INSYN2A: variants seen among roughly 807,000 people sequenced by gnomAD.
INSYN2A encodes the protein inhibitory synaptic factor 2A.
A neutral mutation model predicts 39.4 loss-of-function variants in INSYN2A; 17 were observed. The ratio of observed to expected loss-of-function variants is 0.43; its 90% CI spans 0.30 to 0.65. The LOEUF (loss-of-function observed/expected upper bound fraction) is 0.65. Ranked by LOEUF, INSYN2A falls within the 30% of genes least tolerant of loss-of-function variation. The probability of loss-of-function intolerance (pLI) is 0.14; values close to 1 mark genes in which losing one functional copy is unlikely to be tolerated. For missense variants in INSYN2A, 595 were observed against 631.2 expected (o/e 0.94, Z 0.61); for synonymous variants, 255 against 265.7 (o/e 0.96, Z 0.39).
chr10:127,173,742 C>G (rs60003941), intron 4 of INSYN2A, among the ~76,000 whole-genome samples: 2 of 152,166 alleles, frequency 1.3e-5, no homozygotes, highest in Non-Finnish European at 2.9e-5. Flanking sequence ...TGGTCTCCCC[C>G]ACCCCACGCC....
chr10:127,189,732 A>T (rs1017723661), intron 2 of INSYN2A, among the ~76,000 whole-genome samples: 13 of 152,240 alleles, frequency 8.5e-5, no homozygotes, highest in African/African-American at 3.1e-4. Context: ...TTAAGTTCAC[A>T]CAGTACGTTT....
chr10:127,188,608 A>T (rs900886790), intron 2 of INSYN2A, among the ~76,000 whole-genome samples: 11 of 152,104 alleles, frequency 7.2e-5, no homozygotes, highest in African/African-American at 2.4e-4. Flanking sequence ...TAACGTGGTT[A>T]ATTTCTGGCC....
chr10:127,183,358 G>C (rs758520848), intron 2 of INSYN2A, among the ~76,000 whole-genome samples: 4 of 152,150 alleles, frequency 2.6e-5, no homozygotes, highest in Non-Finnish European at 5.9e-5. Flanking sequence ...TCGACCATCA[G>C]AATGGATCCC....
intron 4 of INSYN2A, among the ~76,000 whole-genome samples, chr10:127,163,240 G>A (rs2053748635): frequency 6.6e-6 from 1 of 152,120 alleles, no homozygotes; most frequent in African/African-American, 2.4e-5. Flanking sequence ...TGCAGATCGG[G>A]GCTTGAGGTG....
At chr10:127,156,704 G>A (rs1592274731) in intron 4 of INSYN2A, among the ~76,000 whole-genome samples, 1 of 151,548 alleles carries the variant, frequency 6.6e-6, no homozygotes, top group Non-Finnish European at 1.5e-5. Flanking sequence ...GAGTAGCTGG[G>A]ATTACAGGCA....
intron 5 of INSYN2A, among the ~76,000 whole-genome samples, chr10:127,153,018 A>C (rs1294336818): frequency 6.6e-6 from 1 of 152,228 alleles, no homozygotes; most frequent in Non-Finnish European, 1.5e-5. Flanking sequence ...CTTAATGCAG[A>C]GGACAGTAAC....
At chr10:127,162,766 T>C (rs982426271) in intron 4 of INSYN2A, among the ~76,000 whole-genome samples, 23 of 152,202 alleles carry the variant, frequency 1.5e-4, no homozygotes, top group Non-Finnish European at 2.9e-4. Flanking sequence ...CGAGCCGGCC[T>C]CCCCAGGCCT....
chr10:127,152,473 C>T (rs2052598861), intron 5 of INSYN2A, among the ~76,000 whole-genome samples: 1 of 152,224 alleles, frequency 6.6e-6, no homozygotes, highest in Non-Finnish European at 1.5e-5. Flanking sequence ...GCAGGGGCCC[C>T]TCCTCCCTTC....
rs747882538 is a variant in INSYN2A at position 127,175,529 on chromosome 10, C to G, written c.867G>C (p.Arg289Ser). ...WSLCPADDER[R>S]RATHLNGLQA... ...GGAGCCCGTTGAGATGTGTGGCTCTCCTCCGCTCGTCATCTGCCGGGCAGA... is the reference window on the plus strand; with the variant it reads ...GGAGCCCGTTGAGATGTGTGGCTCTGCTCCGCTCGTCATCTGCCGGGCAGA... The change falls in exon 4 of 6, where the codon AGG becomes AGC. Residue 289 changes from arginine (R) to serine (S), a missense_variant. Arg to Ser is a moderately radical substitution (Grantham distance 110, BLOSUM62 -1). Around this residue, in one of 2 missense-constraint regions of INSYN2A, gnomAD observed 478 missense variants for 467.4 expected, o/e 1.02. Coordinates refer to ENST00000522781, the MANE Select transcript of INSYN2A (RefSeq NM_001039762.3). The surrounding 1 kb of genome is among the most constrained non-coding windows in gnomAD (Gnocchi z 6.3). The G allele has an allele frequency of 3.1e-6, 5 of 1,610,028 alleles. No homozygotes were observed. The highest frequency in any genetic ancestry group is 2.2e-5 in the East Asian group (1 of 44,866).
At chr10:127,179,975 G>A (rs538166911) in intron 2 of INSYN2A, among the ~76,000 whole-genome samples, 20 of 152,284 alleles carry the variant, frequency 1.3e-4, no homozygotes, top group South Asian at 2.1e-4. Flanking sequence ...TTGAGAAACC[G>A]AGGCACACGA....
chr10:127,181,898 G>C (rs571698230), intron 2 of INSYN2A, among the ~76,000 whole-genome samples: 5 of 152,318 alleles, frequency 3.3e-5, no homozygotes, highest in Admixed American at 3.3e-4. Context: ...AGCTGCCATA[G>C]ATGGTGGACT....
chr10:127,139,185 C>T (rs1053118129), intron 5 of INSYN2A, among the ~76,000 whole-genome samples: 8 of 152,110 alleles, frequency 5.3e-5, no homozygotes, highest in Admixed American at 4.6e-4. Context: ...CCAGTGGAAC[C>T]GTAAACCATT....
At chr10:127,183,158 T>TC (rs2055899876) in intron 2 of INSYN2A, among the ~76,000 whole-genome samples, 2 of 145,702 alleles carry the variant, frequency 1.4e-5, no homozygotes, top group African/African-American at 5.0e-5. Flanking sequence ...ATTGATTTTT[T>TC]CCCCCCTAAA....
chr10:127,158,764 G>A lies in INSYN2A; in HGVS notation c.1185-4841C>T, dbSNP rs573048294. Reference sequence around the variant, plus strand: ...GATAAGCATGTTCATTGTAGATATGGATTTTGTGGCATTCACTATGTATCG... The same window carrying A: ...GATAAGCATGTTCATTGTAGATATGAATTTTGTGGCATTCACTATGTATCG... On this transcript the variant is annotated intron_variant, in intron 4 of 5. Transcript: ENST00000522781. Among the ~76,000 whole-genome samples the A allele has an allele frequency of 8.5e-5, 13 of 152,310 alleles. No homozygotes were observed. The South Asian group carries it at 2.5e-3, about 29-fold the overall frequency.
At chr10:127,170,185 G>T (rs57172741) in intron 4 of INSYN2A, among the ~76,000 whole-genome samples, 2,611 of 152,216 alleles carry the variant, frequency 0.017, 82 homozygotes, top group African/African-American at 0.059. Flanking sequence ...CAAGGTACTA[G>T]ACTCTTTGGG....
chr10:127,186,803 AAG>A (rs1434271374), intron 2 of INSYN2A, among the ~76,000 whole-genome samples: 1 of 151,970 alleles, frequency 6.6e-6, no homozygotes, highest in African/African-American at 2.4e-5. Flanking sequence ...GGGATGTATA[AAG>A]AGAGAGAGGT....
chr10:127,180,963 G>A (rs375247762), intron 2 of INSYN2A, among the ~76,000 whole-genome samples: 3 of 152,248 alleles, frequency 2.0e-5, no homozygotes, highest in South Asian at 2.1e-4. Context: ...GAGGTACAGC[G>A]TCGTTCTGGT....
chr10:127,157,262 A>T (rs1208398794), intron 4 of INSYN2A, among the ~76,000 whole-genome samples: 2 of 152,222 alleles, frequency 1.3e-5, no homozygotes, highest in East Asian at 3.9e-4. Context: ...TTGCAAACAC[A>T]AAGACCGTCA....
At chr10:127,151,911 A>T (rs2052528711) in intron 5 of INSYN2A, among the ~76,000 whole-genome samples, 1 of 152,208 alleles carries the variant, frequency 6.6e-6, no homozygotes, top group South Asian at 2.1e-4. Context: ...TCCTTCAGAG[A>T]CTTATTCAGT....
Sources: gnomAD v4.1 joint callset for allele counts (sites outside exome capture counted in the v4.1 genomes callset) on GRCh38, gnomAD v4.1.1 for gene constraint, gnomAD v4.1.1 regional missense constraint, Gnocchi (gnomAD v3.1) non-coding constraint, MANE v1.5 for transcripts, NCBI Gene and HGNC (gene_info 2026-07-23, HGNC 2026-07-21) for gene names.